The following SLC30A10 variants were observed in gnomAD, a reference collection of about 807,000 sequenced individuals.
SLC30A10 encodes the protein solute carrier family 30 member 10, also known as calcium/manganese antiporter SLC30A10.
Under a neutral mutation model 21.7 loss-of-function variants are expected in SLC30A10, and 8 were observed. The ratio of observed to expected loss-of-function variants is 0.37; its 90% CI spans 0.22 to 0.67. The LOEUF is 0.67. Ranked by LOEUF, SLC30A10 falls within the 30% of genes least tolerant of loss-of-function variation. The pLI is 0.58. For missense variants in SLC30A10, 521 were observed against 642.5 expected (o/e 0.81, Z 2.04); for synonymous variants, 272 against 279.4 (o/e 0.97, Z 0.26).
At chr1:219,935,909 CTA>C (rs1039917225) in intron 1 of SLC30A10, among the ~76,000 whole-genome samples, 110 of 152,222 alleles carry the variant, frequency 7.2e-4, no homozygotes, top group African/African-American at 2.6e-3. Context: ...TTGATTAATA[CTA>C]TGTTACAAAT....
rs1659464564 is a variant in SLC30A10, at chr1:219,913,613, C to T, written c.*1836G>A. 6.6e-6 allele frequency: 1 copy of T among 152,184 alleles called. No homozygotes were observed. Among genetic ancestry groups the T allele is most frequent in the East Asian group, 1.9e-4 (1 of 5,192 alleles). 9.4% of individuals were successfully genotyped at this position (152,184 alleles called of 1,614,324 possible). On this transcript the variant is annotated 3_prime_UTR_variant, in exon 4 of 4. Transcript: ENST00000366926. ...GAGGATGCACTGTTTTGTGTGAGTA[C>T]ATGCCACACTTTTAATACTAAAAAT...
chr1:219,941,901 C>T (rs982175416), intron 1 of SLC30A10, among the ~76,000 whole-genome samples: 6 of 152,186 alleles, frequency 3.9e-5, no homozygotes, highest in Non-Finnish European at 8.8e-5. Context: ...GTGCCATAAT[C>T]GATCTCCTGT....
upstream of SLC30A10, among the ~76,000 whole-genome samples, chr1:219,931,703 A>T (rs1659972088): frequency 3.3e-5 from 5 of 151,980 alleles, no homozygotes; most frequent in South Asian, 1.0e-3. Context: ...CTGGTCTCGA[A>T]CTCCTGGCCT....
At chr1:219,933,467 T>C (rs1049285945), upstream of SLC30A10, among the ~76,000 whole-genome samples, 2 of 152,240 alleles carry the variant, frequency 1.3e-5, no homozygotes, top group Non-Finnish European at 2.9e-5. Flanking sequence ...GAACTAAATC[T>C]GGGCTGTGCT....
chr1:219,923,834 C>T (rs985196927), intron 2 of SLC30A10, among the ~76,000 whole-genome samples: 1 of 152,124 alleles, frequency 6.6e-6, no homozygotes, highest in African/African-American at 2.4e-5. Flanking sequence ...CCGAGGCCAG[C>T]GGATTACCTG....
chr1:219,920,518 T>C (rs1474580057), intron 2 of SLC30A10, among the ~76,000 whole-genome samples: 2 of 152,176 alleles, frequency 1.3e-5, no homozygotes, highest in Non-Finnish European at 2.9e-5. Flanking sequence ...ATTGCCTTTG[T>C]TTATATAATA....
At chr1:219,942,195 A>G (rs190302929) in intron 1 of SLC30A10, among the ~76,000 whole-genome samples, 76 of 152,338 alleles carry the variant, frequency 5.0e-4, no homozygotes, top group African/African-American at 1.8e-3. Context: ...TCAAAGGCCA[A>G]AAATGAAGTA....
At position 219,911,780 on chromosome 1, in the gene SLC30A10, C is replaced by T. The variant is rs1199362188; in HGVS notation, c.*3669G>A. ...TGGAGAGGCTTTCATTAACATTGTC[C>T]CTAAACTACCCTTAGTTCTACCCAG... On this transcript the variant is annotated 3_prime_UTR_variant, in exon 4 of 4. Coordinates refer to ENST00000366926, the MANE Select transcript of SLC30A10 (RefSeq NM_018713.3). Among the ~76,000 whole-genome samples the T allele has an allele frequency of 3.3e-5, 5 of 151,968 alleles. No individual in the cohort carries two copies. The highest frequency in any genetic ancestry group is 6.6e-5 in the Admixed American group (1 of 15,250).
chr1:219,949,531 C>T (rs1660237919), intron 1 of SLC30A10, among the ~76,000 whole-genome samples: 1 of 152,076 alleles, frequency 6.6e-6, no homozygotes, highest in Non-Finnish European at 1.5e-5. Context: ...ACCGCATATT[C>T]TCACTCATAG....
chr1:219,954,586 A>G (rs1660319142), intron 1 of SLC30A10, among the ~76,000 whole-genome samples: 1 of 150,276 alleles, frequency 6.7e-6, no homozygotes, highest in African/African-American at 2.4e-5. Context: ...AGGCCGAGGC[A>G]CGAGAATTGC....
At chr1:219,956,663 T>TAAAAAAAAAAAAAAAAAA (rs34477686) in intron 1 of SLC30A10, among the ~76,000 whole-genome samples, 1 of 136,424 alleles carries the variant, frequency 7.3e-6, no homozygotes, top group Non-Finnish European at 1.6e-5. Flanking sequence ...AAATAAAAAT[T>TAAAAAAAAAAAAAAAAAA]AAAAAAAAAA....
chr1:219,928,015 C>A lies in SLC30A10; in HGVS notation c.426G>T (p.Ala142=). 2 of 1,570,004 alleles carry A rather than the reference C, an allele frequency of 1.3e-6. No individual in the cohort carries two copies. The highest frequency in any genetic ancestry group is 1.7e-6 in the Non-Finnish European group (2 of 1,159,424). Residue 142 remains alanine, a synonymous_variant, in exon 1 of 4, where the codon GCG becomes GCT. Coordinates refer to ENST00000366926, the MANE Select transcript of SLC30A10 (RefSeq NM_018713.3). This position sits in a 1 kb window ranked among gnomAD's most constrained non-coding sequence, Gnocchi z 6.3. The part of the protein sequence containing the change: ...LIFQDCAAWF[A]CCLRGRSRRL... ...GGCGACTGCGTCCCCGGAGGCAGCA[C>A]GCGAACCAGGCGGCGCAGTCCTGGA...
intron 1 of SLC30A10, among the ~76,000 whole-genome samples, chr1:219,948,514 A>G (rs1441324276): frequency 4.6e-5 from 7 of 152,034 alleles, no homozygotes; most frequent in Admixed American, 1.3e-4. Flanking sequence ...AATGGGGAAA[A>G]GATTCCCTAT....
In SLC30A10 at chr1:219,935,020, A is replaced by G. The variant is rs181582236; in HGVS notation, n.81-7915T>C. ...TAAAGGCAGAACTGGCAGTTTAAGAAACACTTTTCATTCAGAGTTCATCAT... is the reference window on the plus strand; with the variant it reads ...TAAAGGCAGAACTGGCAGTTTAAGAGACACTTTTCATTCAGAGTTCATCAT... On this transcript the variant is annotated intron_variant and non_coding_transcript_variant, in intron 1 of 8. Transcript: ENST00000484239. 1.6e-3 allele frequency among the ~76,000 whole-genome samples: 248 copies of G among 152,316 alleles called. 1 individual carries two copies. The highest frequency in any genetic ancestry group is 2.2e-3 in the Non-Finnish European group (149 of 68,032).
Position 219,914,281 on chromosome 1 carries a change from T to C in SLC30A10, c.*1168A>G, listed in dbSNP as rs1490220912. 1 of 152,158 alleles carries C rather than the reference T, an allele frequency of 6.6e-6. No individual in the cohort carries two copies. The highest frequency in any genetic ancestry group is 1.5e-5 in the Non-Finnish European group (1 of 68,026). The allele number at this position is 152,158 out of a possible 1,614,324, so 9.4% of individuals were successfully genotyped here. A position where few individuals can be genotyped will look rare whatever the true frequency, so the allele number is the denominator to read the frequency against. On this transcript the variant is annotated 3_prime_UTR_variant, in exon 4 of 4. Transcript: ENST00000366926. Reference sequence around the variant, plus strand: ...TACCAACATAGTTTGGTTATGGGTCTGAATCCGATTATAAAAATTTTATTT... The same window carrying C: ...TACCAACATAGTTTGGTTATGGGTCCGAATCCGATTATAAAAATTTTATTT...
chr1:219,932,705 CT>C (rs58052957), upstream of SLC30A10, among the ~76,000 whole-genome samples: 10,304 of 64,882 alleles, frequency 0.16, 1,288 homozygotes, highest in African/African-American at 0.39. Flanking sequence ...AGTAACCATT[CT>C]TTTTTTTTTT....
At chr1:219,925,651 A>ATATATATATATATATATATATTTTT (rs1317554458) in intron 2 of SLC30A10, among the ~76,000 whole-genome samples, 1 of 48,282 alleles carries the variant, frequency 2.1e-5, no homozygotes, top group Non-Finnish European at 3.2e-5. Flanking sequence ...ATATATATAT[A>ATATATATATATATATATATATTTTT]TTTTTTTTTT....
intron 1 of SLC30A10, among the ~76,000 whole-genome samples, chr1:219,947,978 G>T (rs1349797657): frequency 2.6e-5 from 4 of 151,714 alleles, no homozygotes; most frequent in Non-Finnish European, 4.4e-5. Context: ...CAGACAAACA[G>T]AGAGCCAAAT....
rs1225885917 is a variant in SLC30A10 at position 219,928,255 on chromosome 1, C to G, written c.186G>C (p.Arg62=). 1.3e-5 allele frequency: 21 copies of G among 1,583,724 alleles called. No individual in the cohort carries two copies. Among genetic ancestry groups the G allele is most frequent in the East Asian group, 2.3e-5 (1 of 43,580 alleles). Residue 62 remains arginine (R), a synonymous_variant, in exon 1 of 4, where the codon CGG becomes CGC. Transcript: ENST00000366926. The surrounding 1 kb of genome is among the most constrained non-coding windows in gnomAD (Gnocchi z 6.3). ...CVGLSAGYIA[R]RPTRGFSATY... Reference sequence around the variant, plus strand: ...TGGCGCTGAAGCCCCGGGTGGGGCGCCGGGCGATGTAGCCGGCGCTCAGGC... The same window carrying G: ...TGGCGCTGAAGCCCCGGGTGGGGCGGCGGGCGATGTAGCCGGCGCTCAGGC...
Sources: gnomAD v4.1 joint callset for allele counts (sites outside exome capture counted in the v4.1 genomes callset) on GRCh38, gnomAD v4.1.1 for gene constraint, Gnocchi (gnomAD v3.1) non-coding constraint, MANE v1.5 for transcripts, NCBI Gene and HGNC (gene_info 2026-07-23, HGNC 2026-07-21) for gene names.